Variants in BMP2K observed in about 807,000 individuals in gnomAD.
BMP2K encodes BMP-2-inducible protein kinase.
A neutral mutation model predicts 116.0 loss-of-function variants in BMP2K; 74 were observed. The ratio of observed to expected loss-of-function variants is 0.64; its 90% CI spans 0.53 to 0.77. The LOEUF (loss-of-function observed/expected upper bound fraction) is 0.77, where lower values mean the gene tolerates loss of function less well. BMP2K is among the 30% of genes least tolerant of loss of function. BMP2K has a pLI of 0.00. For missense variants in BMP2K, 1,365 were observed against 1,403.6 expected (o/e 0.97, Z 0.44); for synonymous variants, 486 against 502.5 (o/e 0.97, Z 0.44).
rs1042177985 is a variant in BMP2K at position 78,879,443 on chromosome 4, T to C, written c.1951+552T>C. The C allele has an allele frequency of 4.1e-6, 4 of 981,278 alleles. No individual in the cohort carries two copies. The African/African-American group carries it at 7.0e-5, about 17-fold the overall frequency. The allele number at this position is 981,278 out of a possible 1,614,324, so 60.8% of individuals were successfully genotyped here. A position where few individuals can be genotyped will look rare whatever the true frequency, so the allele number is the denominator to read the frequency against. ...ATTCTTTTTCACTTTAAATCAGATATCTCAATGTTTTTACTTGGAATCATT... is the reference window on the plus strand; with the variant it reads ...ATTCTTTTTCACTTTAAATCAGATACCTCAATGTTTTTACTTGGAATCATT... On this transcript the variant is annotated intron_variant, in intron 14 of 15. Transcript: ENST00000502613.
intron 4 of BMP2K, 76 bp downstream of exon 4, chr4:78,842,603 C>A: frequency 2.2e-6 from 3 of 1,374,114 alleles, no homozygotes; most frequent in South Asian, 3.6e-5. Flanking sequence ...TCATCTAAAT[C>A]AGTATAAAAA....
In BMP2K at chr4:78,786,453, T is replaced by G. The variant is rs1252425212; in HGVS notation, c.178+9732T>G. Among the ~76,000 whole-genome samples the G allele has an allele frequency of 5.5e-5, 7 of 127,150 alleles. No homozygotes were observed. In the East Asian group the frequency reaches 1.5e-3, roughly 27 times the overall value. 83.4% of individuals were successfully genotyped at this position (127,150 alleles called of 152,430 possible). A position where few individuals can be genotyped will look rare whatever the true frequency, so the allele number is the denominator to read the frequency against. ...TGTGTGTGTGTGTGTGTGTGTGTGT[T>G]TTGAGACACGGTCTCTATTGGCTAG... On this transcript the variant is annotated intron_variant, in intron 1 of 15. Coordinates refer to ENST00000502613, the MANE Select transcript of BMP2K (RefSeq NM_198892.2).
chr4:78,826,704 G>A (rs746836599), intron 2 of BMP2K, among the ~76,000 whole-genome samples: 4 of 152,100 alleles, frequency 2.6e-5, no homozygotes, highest in Non-Finnish European at 5.9e-5. Flanking sequence ...AGGCCCGTAT[G>A]TAAAATGTAG....
At chr4:78,817,092 T>A (rs2109983257) in intron 1 of BMP2K, among the ~76,000 whole-genome samples, 1 of 152,326 alleles carries the variant, frequency 6.6e-6, no homozygotes, top group East Asian at 1.9e-4. Context: ...TTGGATAGAT[T>A]TAAAGCTTCT....
At chr4:78,856,506 A>G (rs1731511525) in intron 7 of BMP2K, among the ~76,000 whole-genome samples, 1 of 152,204 alleles carries the variant, frequency 6.6e-6, no homozygotes, top group East Asian at 1.9e-4. Flanking sequence ...AAGATGCCTT[A>G]TTGATTTTTT....
At chr4:78,896,347 T>G (rs1381000440) in intron 15 of BMP2K, among the ~76,000 whole-genome samples, 2 of 152,210 alleles carry the variant, frequency 1.3e-5, no homozygotes, top group Non-Finnish European at 2.9e-5. Context: ...TAATTGTACT[T>G]ATATTTAAAA....
chr4:78,785,283 G>A (rs546810925), intron 1 of BMP2K, among the ~76,000 whole-genome samples: 5 of 152,056 alleles, frequency 3.3e-5, no homozygotes, highest in African/African-American at 9.6e-5. Flanking sequence ...GCTAATTTTT[G>A]TATTTTTAGT....
chr4:78,888,696 G>A (rs1192292874), intron 15 of BMP2K, among the ~76,000 whole-genome samples: 1 of 152,186 alleles, frequency 6.6e-6, no homozygotes, highest in Non-Finnish European at 1.5e-5. Context: ...TTCGCAACAT[G>A]TTCACAGGTT....
chr4:78,829,793 TTCTCTTCTCTTCTCTTCTCTTCTCTTCTC>T (rs1730101761), intron 2 of BMP2K, among the ~76,000 whole-genome samples: 30 of 81,070 alleles, frequency 3.7e-4, no homozygotes, highest in African/African-American at 1.3e-3. Context: ...TTCTTTTCTC[TTCTCTTCTCTTCTCTTCTCTTCTCTTCTC>T]TTCTCTTCTC....
At chr4:78,889,065 C>CA (rs1485960303) in intron 15 of BMP2K, among the ~76,000 whole-genome samples, 4 of 151,776 alleles carry the variant, frequency 2.6e-5, no homozygotes, top group Non-Finnish European at 4.4e-5. Context: ...ACTAAAAATA[C>CA]AAAAAATCAG....
At position 78,870,961 on chromosome 4, in the gene BMP2K, A is replaced by ACAGCAG. The variant is rs745450554; in HGVS notation, c.1419_1424dup (p.Gln485_Gln486dup). The ACAGCAG allele has an allele frequency of 3.2e-5, 51 of 1,610,606 alleles. No individual in the cohort carries two copies. The highest frequency in any genetic ancestry group is 6.6e-5 in the South Asian group (6 of 90,916). ...AGCAGCAGCAGCAGCAGCAACAGCA[A>ACAGCAG]CAGCAGCAGCAGCAACAGCAACAGC... On this transcript the variant is annotated inframe_insertion, in exon 11 of 16. Transcript: ENST00000502613.
intron 15 of BMP2K, among the ~76,000 whole-genome samples, chr4:78,903,483 C>T (rs949642140): frequency 1.3e-5 from 2 of 151,922 alleles, no homozygotes; most frequent in Admixed American, 6.6e-5. Context: ...ACACACACCC[C>T]CACCCAATAT....
At chr4:78,813,487 G>A (rs1430643426) in intron 1 of BMP2K, among the ~76,000 whole-genome samples, 1 of 152,154 alleles carries the variant, frequency 6.6e-6, no homozygotes, top group African/African-American at 2.4e-5. Context: ...GACTTTGCAT[G>A]ATCTGGCTCT....
intron 1 of BMP2K, among the ~76,000 whole-genome samples, chr4:78,778,176 C>G (rs1040576626): frequency 2.0e-5 from 3 of 152,144 alleles, no homozygotes; most frequent in African/African-American, 7.2e-5. Context: ...GTTACACTCA[C>G]TCATTCCACT....
intron 9 of BMP2K, among the ~76,000 whole-genome samples, chr4:78,863,421 T>C (rs1731891332): frequency 1.3e-5 from 2 of 152,142 alleles, no homozygotes; most frequent in South Asian, 4.1e-4. Flanking sequence ...CTTTGCCTTC[T>C]TAAAAGGTCG....
In BMP2K at chr4:78,911,967, G is replaced by C. The variant is rs1173897651; in HGVS notation, c.3420G>C (p.Gln1140His). ...TGGTGCAAAGCATCACTCCACATCA[G>C]TCCCAACAGTCCCAACCAGTCGAAT... is the stretch of plus-strand genomic sequence containing the variant. Reference protein sequence around the residue: ...ELVVQSITPHQSQQSQPVELD... With the variant: ...ELVVQSITPHHSQQSQPVELD... Residue 1140 changes from glutamine to histidine, a missense_variant, in exon 16 of 16, where the codon CAG becomes CAC. Gln to His is a conservative substitution (Grantham distance 24). Coordinates refer to ENST00000502613, the MANE Select transcript of BMP2K (RefSeq NM_198892.2). The C allele has an allele frequency of 6.2e-7, 1 of 1,613,778 alleles. No individual in the cohort carries two copies.
chr4:78,890,505 T>C (rs1733377535), intron 15 of BMP2K, among the ~76,000 whole-genome samples: 2 of 152,206 alleles, frequency 1.3e-5, no homozygotes, highest in South Asian at 4.1e-4. Flanking sequence ...ATTTTTTTAA[T>C]ATGTAAATAT....
At chr4:78,910,078 G>A (rs1734502133) in intron 15 of BMP2K, among the ~76,000 whole-genome samples, 2 of 152,120 alleles carry the variant, frequency 1.3e-5, no homozygotes, top group Admixed American at 6.5e-5. Flanking sequence ...GCTTTGGTGA[G>A]GCCATTCATG....
intron 6 of BMP2K, among the ~76,000 whole-genome samples, chr4:78,847,622 A>G (rs1315315689): frequency 6.6e-6 from 1 of 151,646 alleles, no homozygotes; most frequent in Non-Finnish European, 1.5e-5. Flanking sequence ...GTAATTACAC[A>G]ATAATTTTCT....
Sources: gnomAD v4.1 joint callset for allele counts (sites outside exome capture counted in the v4.1 genomes callset) on GRCh38, gnomAD v4.1.1 for gene constraint, MANE v1.5 for transcripts, NCBI Gene and HGNC (gene_info 2026-07-23, HGNC 2026-07-21) for gene names.